The following LRRTM4 variants were observed in gnomAD, a reference collection of about 807,000 sequenced individuals.
The protein encoded by LRRTM4 is leucine-rich repeat transmembrane neuronal protein 4.
A neutral mutation model predicts 47.6 loss-of-function variants in LRRTM4; 25 were observed. The observed-to-expected ratio is 0.53, with a 90% confidence interval of 0.38 to 0.73. The LOEUF (loss-of-function observed/expected upper bound fraction) is 0.73. LRRTM4 is among the 30% of genes least tolerant of loss of function. LRRTM4 has a pLI of 0.00. For missense variants in LRRTM4, 638 were observed against 713.4 expected (o/e 0.89, Z 1.20); for synonymous variants, 311 against 269.5 (o/e 1.15, Z -1.51).
intron 3 of LRRTM4, among the ~76,000 whole-genome samples, chr2:77,284,295 T>C (rs1445806144): frequency 1.3e-5 from 2 of 152,130 alleles, no homozygotes; most frequent in African/African-American, 2.4e-5. Context: ...TATTGTCCTA[T>C]AAAATAATGT....
At chr2:77,113,925 G>A (rs922820373) in intron 3 of LRRTM4, among the ~76,000 whole-genome samples, 19 of 152,078 alleles carry the variant, frequency 1.2e-4, no homozygotes, top group Admixed American at 2.6e-4. Flanking sequence ...ATTCGGGGCC[G>A]CGGAAGCTGC....
chr2:77,208,087 C>T (rs915256952), intron 3 of LRRTM4, among the ~76,000 whole-genome samples: 6 of 151,846 alleles, frequency 4.0e-5, no homozygotes, highest in Non-Finnish European at 7.4e-5. Context: ...CCATGTTGGC[C>T]AGGCTGCTCT....
At chr2:77,316,358 A>G (rs1382307035) in intron 3 of LRRTM4, among the ~76,000 whole-genome samples, 1 of 152,218 alleles carries the variant, frequency 6.6e-6, no homozygotes, top group African/African-American at 2.4e-5. Context: ...GACTTTGCTA[A>G]TAAACACATT....
At chr2:77,154,266 T>C (rs573903060) in intron 3 of LRRTM4, among the ~76,000 whole-genome samples, 238 of 152,308 alleles carry the variant, frequency 1.6e-3, no homozygotes, top group African/African-American at 5.6e-3. Context: ...AGAGGCAAAC[T>C]ATTCAGAGTT....
chr2:77,458,049 A>G (rs1676628950), intron 3 of LRRTM4, among the ~76,000 whole-genome samples: 1 of 152,170 alleles, frequency 6.6e-6, no homozygotes, highest in Non-Finnish European at 1.5e-5. Context: ...GTTCATAAGG[A>G]GCATTGGTTT....
At chr2:77,001,718 C>A (rs1338824645) in intron 3 of LRRTM4, among the ~76,000 whole-genome samples, 1 of 152,142 alleles carries the variant, frequency 6.6e-6, no homozygotes, top group African/African-American at 2.4e-5. Context: ...GCGAGAGACA[C>A]TGAAGGACAA....
chr2:76,823,590 A>G (rs1241791893), intron 3 of LRRTM4, among the ~76,000 whole-genome samples: 1 of 151,518 alleles, frequency 6.6e-6, no homozygotes, highest in Non-Finnish European at 1.5e-5. Context: ...CACGTGAATC[A>G]CAGCATTATA....
chr2:76,932,939 T>C (rs10193030), intron 3 of LRRTM4, among the ~76,000 whole-genome samples: 42,649 of 151,862 alleles, frequency 0.28, 8,201 homozygotes, highest in African/African-American at 0.55. Flanking sequence ...TGGTTTGCTG[T>C]ACCCATCAAC....
At chr2:77,334,314 C>G (rs188647728) in intron 3 of LRRTM4, among the ~76,000 whole-genome samples, 1 of 151,926 alleles carries the variant, frequency 6.6e-6, no homozygotes, top group Non-Finnish European at 1.5e-5. Context: ...TTAGGAGTGG[C>G]CAGGGGAGGA....
intron 3 of LRRTM4, among the ~76,000 whole-genome samples, chr2:77,411,496 A>G (rs1447786255): frequency 8.2e-6 from 1 of 121,422 alleles, no homozygotes; most frequent in African/African-American, 3.3e-5. Flanking sequence ...TCTGTCGCCC[A>G]GGCTGGGGTG....
intron 3 of LRRTM4, among the ~76,000 whole-genome samples, chr2:76,771,200 A>T (rs12713883): frequency 0.13 from 19,436 of 152,216 alleles, 1,669 homozygotes; most frequent in East Asian, 0.39. Context: ...TTTCAATTCA[A>T]AGAAATGATT....
At chr2:77,115,406 T>C (rs1238359221) in intron 3 of LRRTM4, among the ~76,000 whole-genome samples, 1 of 152,222 alleles carries the variant, frequency 6.6e-6, no homozygotes, top group Non-Finnish European at 1.5e-5. Flanking sequence ...ATTTGTGCAA[T>C]AGTGGTCCTG....
intron 3 of LRRTM4, among the ~76,000 whole-genome samples, chr2:77,300,848 A>G (rs1010598845): frequency 3.6e-4 from 54 of 152,112 alleles, no homozygotes; most frequent in African/African-American, 1.3e-3. Flanking sequence ...CTGTTTCTTC[A>G]TAGTTAAAAA....
At chr2:76,783,733 G>A (rs1182179610) in intron 3 of LRRTM4, among the ~76,000 whole-genome samples, 1 of 152,048 alleles carries the variant, frequency 6.6e-6, no homozygotes, top group Non-Finnish European at 1.5e-5. Flanking sequence ...CCTATTTCCC[G>A]TACAAACCTT....
At chr2:77,490,436 C>A (rs1678099478) in intron 3 of LRRTM4, among the ~76,000 whole-genome samples, 1 of 151,824 alleles carries the variant, frequency 6.6e-6, no homozygotes, top group Non-Finnish European at 1.5e-5. Context: ...TAAAAAAAAT[C>A]ATAGGAAAGA....
intron 3 of LRRTM4, among the ~76,000 whole-genome samples, chr2:77,139,877 G>A (rs1672066927): frequency 6.6e-6 from 1 of 152,092 alleles, no homozygotes; most frequent in Non-Finnish European, 1.5e-5. Context: ...ATTCACAATT[G>A]CTTCAAAGAG....
intron 3 of LRRTM4, among the ~76,000 whole-genome samples, chr2:76,853,931 T>A (rs1490401750): frequency 6.6e-6 from 1 of 152,178 alleles, no homozygotes; most frequent in African/African-American, 2.4e-5. Context: ...TTGTGGATAT[T>A]GTTTAAAATT....
At chr2:76,771,078 A>G (rs1673681215) in intron 3 of LRRTM4, among the ~76,000 whole-genome samples, 2 of 152,172 alleles carry the variant, frequency 1.3e-5, no homozygotes, top group Admixed American at 1.3e-4. Context: ...TTAACATTTA[A>G]TATTTGCCTC....
intron 3 of LRRTM4, among the ~76,000 whole-genome samples, chr2:76,952,277 A>C (rs562725634): frequency 1.1e-4 from 17 of 152,114 alleles, no homozygotes; most frequent in Non-Finnish European, 2.2e-4. Flanking sequence ...AGATTTGGAG[A>C]AAATATTTGC....
Sources: allele counts gnomAD v4.1 joint callset (sites outside exome capture counted in the v4.1 genomes callset), GRCh38; gene constraint gnomAD v4.1.1; transcripts MANE v1.5; gene names NCBI Gene and HGNC (gene_info 2026-07-23, HGNC 2026-07-21).